Variants in SEMA6D observed in about 807,000 individuals in gnomAD.
The protein encoded by SEMA6D is semaphorin 6D, also known as semaphorin-6D.
In SEMA6D, 35 loss-of-function variants were observed where a neutral mutation model predicts 106.6. That is an observed-to-expected ratio of 0.33 (90% CI 0.25 to 0.44). SEMA6D has a LOEUF of 0.44. Ranked by LOEUF, SEMA6D falls within the 20% of genes least tolerant of loss-of-function variation. The probability of loss-of-function intolerance (pLI) is 1.00; values close to 1 mark genes in which losing one functional copy is unlikely to be tolerated. For synonymous variants in SEMA6D, 499 were observed against 487.7 expected (o/e 1.02, Z -0.31); for missense variants, 1,185 against 1,345.9 (o/e 0.88, Z 1.87).
intron 2 of SEMA6D, among the ~76,000 whole-genome samples, chr15:47,444,739 C>G (rs1188122439): frequency 6.6e-6 from 1 of 152,132 alleles, no homozygotes; most frequent in Admixed American, 6.5e-5. Flanking sequence ...AGAGCAAGCA[C>G]TATGGGCTCC....
chr15:47,767,132 C>G (rs1416162891), intron 17 of SEMA6D, 39 bp downstream of exon 17: 2 of 1,368,288 alleles, frequency 1.5e-6, no homozygotes, highest in Non-Finnish European at 2.0e-6. Context: ...ACAACCTTTT[C>G]TTTCCTTCAG....
intron 3 of SEMA6D, among the ~76,000 whole-genome samples, chr15:47,526,740 ATTT>A (rs988712588): frequency 6.8e-6 from 1 of 147,682 alleles, no homozygotes; most frequent in East Asian, 2.0e-4. Flanking sequence ...AATTATTATT[ATTT>A]TTTTTTTTTC....
At chr15:47,493,136 G>A (rs774199786) in intron 3 of SEMA6D, among the ~76,000 whole-genome samples, 3 of 152,130 alleles carry the variant, frequency 2.0e-5, no homozygotes, top group Non-Finnish European at 4.4e-5. Flanking sequence ...CCATATGTCC[G>A]CTAAAGGTCC....
intron 2 of SEMA6D, among the ~76,000 whole-genome samples, chr15:47,454,933 C>A (rs2042302902): frequency 6.6e-6 from 1 of 151,854 alleles, no homozygotes; most frequent in South Asian, 2.1e-4. Flanking sequence ...GGCATGCTAA[C>A]TGGATCCTGT....
chr15:47,191,482 A>T (rs1893955706), intron 1 of SEMA6D, among the ~76,000 whole-genome samples: 1 of 152,106 alleles, frequency 6.6e-6, no homozygotes, highest in African/African-American at 2.4e-5. Flanking sequence ...CGTGGGTATG[A>T]TCAAGGCAAC....
At chr15:47,733,634 A>G (rs2080273344) in intron 1 of SEMA6D, among the ~76,000 whole-genome samples, 3 of 152,170 alleles carry the variant, frequency 2.0e-5, no homozygotes, top group South Asian at 2.1e-4. Context: ...TCAAATTCTG[A>G]GTCTGCCACT....
intron 2 of SEMA6D, among the ~76,000 whole-genome samples, chr15:47,464,552 C>T (rs1198638814): frequency 6.6e-6 from 1 of 152,038 alleles, no homozygotes; most frequent in African/African-American, 2.4e-5. Context: ...GGCTTTTGCT[C>T]TTATAAGATG....
intron 4 of SEMA6D, among the ~76,000 whole-genome samples, chr15:47,669,813 G>T (rs142327170): frequency 2.0e-5 from 3 of 152,060 alleles, no homozygotes; most frequent in African/African-American, 7.2e-5. Flanking sequence ...ACAACAAACC[G>T]CCTTGAAGTC....
intron 2 of SEMA6D, among the ~76,000 whole-genome samples, chr15:47,444,684 C>A (rs1206656871): frequency 6.6e-6 from 1 of 152,042 alleles, no homozygotes; most frequent in African/African-American, 2.4e-5. Flanking sequence ...TGTGCTCAAA[C>A]CCCTTACAGG....
At chr15:47,623,819 C>A (rs757907898) in intron 4 of SEMA6D, among the ~76,000 whole-genome samples, 8 of 152,160 alleles carry the variant, frequency 5.3e-5, no homozygotes, top group Non-Finnish European at 1.0e-4. Flanking sequence ...CCATATAGAT[C>A]ATTGTGATAT....
intron 1 of SEMA6D, among the ~76,000 whole-genome samples, chr15:47,257,053 C>T (rs931227731): frequency 7.8e-6 from 1 of 127,594 alleles, no homozygotes; most frequent in African/African-American, 2.6e-5. Context: ...GTGAGGAGAA[C>T]AGAATTCTTT....
intron 3 of SEMA6D, among the ~76,000 whole-genome samples, chr15:47,477,018 A>G (rs2043021716): frequency 6.6e-6 from 1 of 152,210 alleles, no homozygotes; most frequent in Non-Finnish European, 1.5e-5. Flanking sequence ...CAGAAAACTG[A>G]CATTTCATAA....
intron 1 of SEMA6D, among the ~76,000 whole-genome samples, chr15:47,386,127 A>G (rs1412212150): frequency 6.6e-6 from 1 of 152,178 alleles, no homozygotes; most frequent in Non-Finnish European, 1.5e-5. Context: ...ATAAGTTTTG[A>G]TGCCATTAGG....
chr15:47,760,359 C>G lies in SEMA6D; in HGVS notation c.165C>G (p.His55Gln), dbSNP rs1184904189. 1 of 1,613,700 alleles carries G rather than the reference C, an allele frequency of 6.2e-7. No individual in the cohort carries two copies. ...RGRPSGNESQ[H>Q]RLDFQLMLKI... is the part of the protein sequence containing the mutation. ...GCCCTTCAGGCAATGAATCGCAGCA[C>G]AGGCTGGACTTTCAGCTGATGTTGA... is the stretch of plus-strand genomic sequence containing the variant. The change falls in exon 3 of 19, where the codon CAC becomes CAG. Residue 55 changes from histidine to glutamine, a missense_variant. Transcript: ENST00000536845.
At chr15:47,273,579 C>G (rs2034660411) in intron 1 of SEMA6D, among the ~76,000 whole-genome samples, 1 of 152,182 alleles carries the variant, frequency 6.6e-6, no homozygotes, top group South Asian at 2.1e-4. Context: ...AGCCAGAATT[C>G]TATCCTTAGC....
At chr15:47,744,352 T>C (rs1364012956) in intron 1 of SEMA6D, among the ~76,000 whole-genome samples, 4 of 152,252 alleles carry the variant, frequency 2.6e-5, no homozygotes, top group Non-Finnish European at 5.9e-5. Flanking sequence ...TTATTAAATA[T>C]CAGCTGCAAA....
Position 47,219,383 on chromosome 15 carries a change from T to C in SEMA6D, c.-239+34965T>C, listed in dbSNP as rs1046839314. Among the ~76,000 whole-genome samples, 4 of 152,198 alleles carry C rather than the reference T, an allele frequency of 2.6e-5. 1 individual carries two copies. Among genetic ancestry groups the C allele is most frequent in the Admixed American group, 1.3e-4 (2 of 15,276 alleles). On this transcript the variant is annotated intron_variant, in intron 1 of 19. Coordinates refer to the SEMA6D transcript ENST00000558014. ...TACCAGGTCATAAGTACTATTTCTC[T>C]AACATGGCTAAATACAAGATTTTAG...
At chr15:47,576,783 A>G (rs911683792) in intron 3 of SEMA6D, among the ~76,000 whole-genome samples, 1 of 152,240 alleles carries the variant, frequency 6.6e-6, no homozygotes, top group Non-Finnish European at 1.5e-5. Flanking sequence ...TTCTCTGTCC[A>G]GACTATGTCT....
intron 3 of SEMA6D, among the ~76,000 whole-genome samples, chr15:47,568,193 T>A (rs1480464735): frequency 2.8e-5 from 4 of 141,174 alleles, no homozygotes; most frequent in East Asian, 2.1e-4. Context: ...TTTTGCCATT[T>A]AAAAAAAAAA....
Sources: allele counts gnomAD v4.1 joint callset (sites outside exome capture counted in the v4.1 genomes callset), GRCh38; gene constraint gnomAD v4.1.1; transcripts MANE v1.5; gene names NCBI Gene and HGNC (gene_info 2026-07-23, HGNC 2026-07-21).